The following TNIK variants were observed in gnomAD, a reference collection of about 807,000 sequenced individuals.
TNIK encodes the protein TRAF2 and NCK-interacting protein kinase.
In TNIK, 49 loss-of-function variants were observed where a neutral mutation model predicts 191.3. That is an observed-to-expected ratio of 0.26 (90% CI 0.20 to 0.32). The LOEUF is 0.32. Among genes scored for constraint, TNIK ranks in the 10% least tolerant of loss-of-function variants. TNIK has a pLI of 1.00. For missense variants in TNIK, 1,155 were observed against 1,702.3 expected (o/e 0.68, Z 5.66); for synonymous variants, 594 against 600.9 (o/e 0.99, Z 0.17).
At chr3:171,289,157 G>A (rs542869029) in intron 2 of TNIK, among the ~76,000 whole-genome samples, 31 of 152,198 alleles carry the variant, frequency 2.0e-4, no homozygotes. Context: ...GGGTAAGAAT[G>A]AAAAAATGGT....
chr3:171,150,868 C>T (rs570261813), intron 12 of TNIK, among the ~76,000 whole-genome samples: 72 of 152,168 alleles, frequency 4.7e-4, no homozygotes, highest in African/African-American at 1.6e-3. Context: ...AGGTTTTACA[C>T]TAAACAGGGA....
intron 2 of TNIK, among the ~76,000 whole-genome samples, chr3:171,283,451 A>G (rs1201280131): frequency 1.3e-5 from 2 of 152,194 alleles, no homozygotes; most frequent in African/African-American, 2.4e-5. Flanking sequence ...GGGAATTTCA[A>G]ACTTTGGTGC....
chr3:171,104,891 AAAAAACAGCGGT>A (rs1162152141), intron 21 of TNIK, among the ~76,000 whole-genome samples: 7 of 152,162 alleles, frequency 4.6e-5, no homozygotes, highest in Admixed American at 4.6e-4. Flanking sequence ...ACATACTAAT[AAAAAACAGCGGT>A]AAAAACAGTG....
At position 171,146,254 on chromosome 3, in the gene TNIK, GTCT is replaced by G. The variant is rs1560179225; in HGVS notation, c.1222-5748_1222-5746del. 2.0e-5 allele frequency among the ~76,000 whole-genome samples: 3 copies of G among 152,230 alleles called. No homozygotes were observed. The South Asian group carries it at 6.2e-4, about 32-fold the overall frequency. ...TCTACTTTATGTTCCCTTCTACATTGTCTTCTTGTTTATTTTACTTTTAATTGC... is the reference window on the plus strand; with the variant it reads ...TCTACTTTATGTTCCCTTCTACATTGTCTTGTTTATTTTACTTTTAATTGC... On this transcript the variant is annotated intron_variant, in intron 12 of 32. Transcript: ENST00000436636.
chr3:171,376,999 T>C (rs1490206389), intron 1 of TNIK, among the ~76,000 whole-genome samples: 1 of 152,214 alleles, frequency 6.6e-6, no homozygotes, highest in East Asian at 1.9e-4. Context: ...AAAGTGCCCT[T>C]TGGCCTGCAT....
At chr3:171,092,322 G>C (rs1372344687) in intron 23 of TNIK, among the ~76,000 whole-genome samples, 1 of 152,148 alleles carries the variant, frequency 6.6e-6, no homozygotes, top group African/African-American at 2.4e-5. Flanking sequence ...GAGCCATTTG[G>C]ATGTGGCTGG....
chr3:171,433,712 C>T (rs1725653345), intron 1 of TNIK, among the ~76,000 whole-genome samples: 2 of 151,840 alleles, frequency 1.3e-5, no homozygotes, highest in Admixed American at 1.3e-4. Flanking sequence ...AAAACAAATT[C>T]CTGCTTGATA....
chr3:171,250,100 T>C (rs1053293373), intron 2 of TNIK, among the ~76,000 whole-genome samples: 10 of 152,210 alleles, frequency 6.6e-5, no homozygotes, highest in African/African-American at 2.4e-4. Context: ...CCTTTCAAAT[T>C]TCACCCAACT....
chr3:171,272,085 GCA>G lies in TNIK; in HGVS notation c.124-43866_124-43865del, dbSNP rs568086941. On this transcript the variant is annotated intron_variant, in intron 2 of 32. Transcript: ENST00000436636. ...TAGCCACCACCCGGAGATGGTAAAG[GCA>G]CTACGTGATGACAGCGAGAGAAAAG... 2.6e-4 allele frequency among the ~76,000 whole-genome samples: 39 copies of G among 152,286 alleles called. No individual in the cohort carries two copies. The South Asian group carries it at 8.1e-3, about 32-fold the overall frequency.
intron 1 of TNIK, among the ~76,000 whole-genome samples, chr3:171,403,611 C>CAAAAAAAAAAA (rs57982642): frequency 7.0e-4 from 70 of 100,106 alleles, no homozygotes; most frequent in East Asian, 3.7e-3. Flanking sequence ...GACTCCGTAT[C>CAAAAAAAAAAA]AAAAAAAAAA....
intron 1 of TNIK, among the ~76,000 whole-genome samples, chr3:171,377,459 C>T (rs1288452688): frequency 2.6e-5 from 4 of 152,244 alleles, no homozygotes; most frequent in Non-Finnish European, 5.9e-5. Context: ...GGATTTGAAA[C>T]ATCACTCCTC....
chr3:171,108,729 T>C (rs1446007430), intron 19 of TNIK, among the ~76,000 whole-genome samples: 3 of 152,248 alleles, frequency 2.0e-5, no homozygotes, highest in Non-Finnish European at 4.4e-5. Flanking sequence ...TTATTTTATT[T>C]GGTGGAACGG....
At chr3:171,168,384 G>A (rs891142909) in intron 9 of TNIK, among the ~76,000 whole-genome samples, 12 of 152,134 alleles carry the variant, frequency 7.9e-5, no homozygotes, top group African/African-American at 2.9e-4. Flanking sequence ...TCCCAGGACT[G>A]AGCCTTTGCC....
intron 8 of TNIK, 59 bp from the exon 9 acceptor site, chr3:171,175,389 C>T (rs139856043): frequency 3.2e-5 from 47 of 1,473,726 alleles, no homozygotes; most frequent in Middle Eastern, 1.9e-4. Context: ...AGGCCAAGCC[C>T]GTCTTGGCTG....
rs182627956 is a variant in TNIK at position 171,318,999 on chromosome 3, C to T, written c.123+50621G>A. 1.2e-3 allele frequency among the ~76,000 whole-genome samples: 177 copies of T among 152,006 alleles called. 2 individuals carry two copies. Among genetic ancestry groups the T allele is most frequent in the African/African-American group, 4.1e-3 (172 of 41,478 alleles). ...GGTCAAAATAGCAAGACCCTGTCTACATAAAACTTAAAATACATAAATAAA... is the reference window on the plus strand; with the variant it reads ...GGTCAAAATAGCAAGACCCTGTCTATATAAAACTTAAAATACATAAATAAA... On this transcript the variant is annotated intron_variant, in intron 2 of 32. Transcript: ENST00000436636.
At chr3:171,313,192 A>G (rs190109742) in intron 2 of TNIK, among the ~76,000 whole-genome samples, 183 of 152,206 alleles carry the variant, frequency 1.2e-3, no homozygotes, top group Non-Finnish European at 2.0e-3. Flanking sequence ...CCAATTTTTT[A>G]AAGTGTATCT....
intron 18 of TNIK, among the ~76,000 whole-genome samples, chr3:171,121,488 A>G (rs950961394): frequency 1.4e-4 from 22 of 152,210 alleles, no homozygotes; most frequent in African/African-American, 5.3e-4. Context: ...CTCTCTTGAG[A>G]TGCTCTTCTG....
chr3:171,295,027 G>GAGAGA (rs10665560), intron 2 of TNIK, among the ~76,000 whole-genome samples: 1 of 149,066 alleles, frequency 6.7e-6, no homozygotes, highest in Admixed American at 6.7e-5. Flanking sequence ...GAGAGAGAGA[G>GAGAGA]GAAAAAAAAA....
chr3:171,174,907 C>T (rs534682333), intron 9 of TNIK, among the ~76,000 whole-genome samples: 153 of 152,180 alleles, frequency 1.0e-3, no homozygotes, highest in Non-Finnish European at 8.1e-4. Context: ...AACAGGCTGA[C>T]TCTCTAAACT....
Sources: allele counts gnomAD v4.1 joint callset (sites outside exome capture counted in the v4.1 genomes callset), GRCh38; gene constraint gnomAD v4.1.1; transcripts MANE v1.5; gene names NCBI Gene and HGNC (gene_info 2026-07-23, HGNC 2026-07-21).